The following LRRTM4 variants were observed in gnomAD, a reference collection of about 807,000 sequenced individuals.
LRRTM4 encodes leucine rich repeat transmembrane neuronal 4, also known as leucine-rich repeat transmembrane neuronal protein 4.
A neutral mutation model predicts 47.6 loss-of-function variants in LRRTM4; 25 were observed. The observed-to-expected ratio is 0.53, with a 90% CI of 0.38 to 0.73. LRRTM4 has a LOEUF of 0.73. Among genes scored for constraint, LRRTM4 ranks in the 30% least tolerant of loss-of-function variants. The pLI is 0.00. For missense variants in LRRTM4, 638 were observed against 713.4 expected, an observed-to-expected ratio of 0.89 and a Z score of 1.20; for synonymous variants, 311 against 269.5, an observed-to-expected ratio of 1.15 and a Z score of -1.51.
At chr2:77,252,693 A>G (rs76417926) in intron 3 of LRRTM4, among the ~76,000 whole-genome samples, 1,951 of 152,284 alleles carry the variant, frequency 0.013, 51 homozygotes, top group African/African-American at 0.045. Context: ...CACTGTCTCT[A>G]AAAGAAGACG....
chr2:76,935,153 T>C (rs1234708725), intron 3 of LRRTM4, among the ~76,000 whole-genome samples: 1 of 152,138 alleles, frequency 6.6e-6, no homozygotes, highest in Non-Finnish European at 1.5e-5. Flanking sequence ...TGACATTGTG[T>C]AGTGTAAGTA....
At chr2:76,769,695 C>T (rs537861491) in intron 3 of LRRTM4, among the ~76,000 whole-genome samples, 11 of 151,976 alleles carry the variant, frequency 7.2e-5, no homozygotes, top group Non-Finnish European at 1.0e-4. Flanking sequence ...GAATTCGTAT[C>T]GGCATTTTAA....
chr2:76,972,257 G>A (rs966213670), intron 3 of LRRTM4, among the ~76,000 whole-genome samples: 1 of 151,908 alleles, frequency 6.6e-6, no homozygotes, highest in Non-Finnish European at 1.5e-5. Flanking sequence ...GGAAGTAGCT[G>A]GGCATGTGAA....
chr2:77,471,841 G>T (rs554446718), intron 3 of LRRTM4, among the ~76,000 whole-genome samples: 1 of 152,220 alleles, frequency 6.6e-6, no homozygotes, highest in South Asian at 2.1e-4. Flanking sequence ...TTGCCACCAG[G>T]TATGTTTTAC....
intron 3 of LRRTM4, among the ~76,000 whole-genome samples, chr2:76,937,451 G>A (rs147793153): frequency 6.6e-6 from 1 of 152,294 alleles, no homozygotes; most frequent in East Asian, 1.9e-4. Context: ...AATCTTTGAA[G>A]AGAACTTGCT....
At chr2:77,277,573 TCA>T (rs1676396651) in intron 3 of LRRTM4, among the ~76,000 whole-genome samples, 1 of 152,172 alleles carries the variant, frequency 6.6e-6, no homozygotes, top group Admixed American at 6.6e-5. Context: ...GGGGATATCC[TCA>T]CAGTTTGATT....
intron 3 of LRRTM4, among the ~76,000 whole-genome samples, chr2:76,995,777 C>G (rs1343101136): frequency 1.3e-5 from 2 of 151,964 alleles, no homozygotes; most frequent in Non-Finnish European, 2.9e-5. Flanking sequence ...AATATAAGAT[C>G]CCAATTTGCA....
At chr2:77,088,205 C>T (rs551739184) in intron 3 of LRRTM4, among the ~76,000 whole-genome samples, 215 of 152,308 alleles carry the variant, frequency 1.4e-3, no homozygotes, top group Middle Eastern at 3.4e-3. Flanking sequence ...ACCCCATATA[C>T]TTCCAGGTGG....
Position 76,748,892 on chromosome 2 carries a change from G to A in LRRTM4, c.1576C>T (p.Pro526Ser), listed in dbSNP as rs779403740. The change falls in exon 4 of 4, where the codon CCA becomes TCA. Residue 526 changes from proline to serine, a missense_variant. Pro to Ser is a moderately conservative substitution (Grantham distance 74, BLOSUM62 -1). Coordinates refer to ENST00000409884, the MANE Select transcript of LRRTM4 (RefSeq NM_001134745.3). ...ACAGGCTGGTCATAGCTGTAATATGGCAAGGGCTTCATGTGGTGTGGCATC... is the reference window on the plus strand; with the variant it reads ...ACAGGCTGGTCATAGCTGTAATATGACAAGGGCTTCATGTGGTGTGGCATC... ...CEMPHHMKPL[P>S]YYSYDQPVIG... 1 of 1,613,990 alleles carries A rather than the reference G, an allele frequency of 6.2e-7. No individual in the cohort carries two copies. The highest frequency in any genetic ancestry group is 1.1e-5 in the South Asian group (1 of 91,086).
chr2:76,968,370 A>C (rs1390375958), intron 3 of LRRTM4, among the ~76,000 whole-genome samples: 5 of 136,928 alleles, frequency 3.7e-5, no homozygotes, highest in African/African-American at 1.3e-4. Context: ...ATATATATAT[A>C]TATATATATA....
At chr2:76,755,367 C>G (rs975315195) in intron 3 of LRRTM4, among the ~76,000 whole-genome samples, 7 of 152,068 alleles carry the variant, frequency 4.6e-5, no homozygotes, top group Admixed American at 2.6e-4. Context: ...CAAAAGTTAA[C>G]TGTTCTGTAT....
At chr2:77,108,285 T>C (rs544533685) in intron 3 of LRRTM4, among the ~76,000 whole-genome samples, 1 of 151,646 alleles carries the variant, frequency 6.6e-6, no homozygotes, top group South Asian at 2.1e-4. Flanking sequence ...GAGGAGGCAG[T>C]GGGGGAGGAA....
At chr2:76,845,219 G>A (rs927887011) in intron 3 of LRRTM4, among the ~76,000 whole-genome samples, 3 of 152,134 alleles carry the variant, frequency 2.0e-5, no homozygotes, top group East Asian at 1.9e-4. Flanking sequence ...GGCCTCGTGC[G>A]GTGGCTCACG....
chr2:77,106,845 G>A (rs1484347618), intron 3 of LRRTM4, among the ~76,000 whole-genome samples: 1 of 151,816 alleles, frequency 6.6e-6, no homozygotes, highest in Non-Finnish European at 1.5e-5. Flanking sequence ...ATAAGGAAAT[G>A]AATTTTTTCC....
intron 3 of LRRTM4, among the ~76,000 whole-genome samples, chr2:77,418,585 C>G (rs934062202): frequency 6.6e-6 from 1 of 152,186 alleles, no homozygotes; most frequent in African/African-American, 2.4e-5. Flanking sequence ...TCCTCTTAGG[C>G]CTATTTGGCC....
intron 3 of LRRTM4, among the ~76,000 whole-genome samples, chr2:76,863,520 C>T (rs907561676): frequency 3.3e-5 from 5 of 152,100 alleles, no homozygotes; most frequent in Admixed American, 2.6e-4. Flanking sequence ...CTCAAGGTCA[C>T]ATAGCTAGTG....
At chr2:76,892,502 T>G (rs960982300) in intron 3 of LRRTM4, among the ~76,000 whole-genome samples, 2 of 151,732 alleles carry the variant, frequency 1.3e-5, no homozygotes, top group Admixed American at 1.3e-4. Flanking sequence ...AGGCATAGTT[T>G]CTCCTAATTT....
At chr2:77,049,198 A>T (rs62170909) in intron 3 of LRRTM4, among the ~76,000 whole-genome samples, 17,291 of 141,778 alleles carry the variant, frequency 0.12, 1,338 homozygotes, top group Admixed American at 0.2. Flanking sequence ...CCATTCATCT[A>T]TTGATAGGCA....
intron 3 of LRRTM4, among the ~76,000 whole-genome samples, chr2:77,029,061 A>ATATATATAATATATATATAT: frequency 6.8e-6 from 1 of 146,174 alleles, no homozygotes; most frequent in African/African-American, 2.5e-5. Flanking sequence ...AAATATATAT[A>ATATATATAATATATATATAT]TATATATATA....
Sources: gnomAD v4.1 joint callset for allele counts (sites outside exome capture counted in the v4.1 genomes callset) on GRCh38, gnomAD v4.1.1 for gene constraint, MANE v1.5 for transcripts, NCBI Gene and HGNC (gene_info 2026-07-23, HGNC 2026-07-21) for gene names.